Variants in PDE4D observed in about 807,000 individuals in gnomAD.
The protein encoded by PDE4D is phosphodiesterase 4D.
A neutral mutation model predicts 87.4 loss-of-function variants in PDE4D; 24 were observed. That is an observed-to-expected ratio of 0.27 (90% CI 0.20 to 0.39). PDE4D has a LOEUF of 0.39. Among genes scored for constraint, PDE4D ranks in the 10% least tolerant of loss-of-function variants. PDE4D has a pLI of 1.00. For missense variants in PDE4D, 714 were observed against 1,041.0 expected, an observed-to-expected ratio of 0.69 and a Z score of 4.32; for synonymous variants, 384 against 383.2, an observed-to-expected ratio of 1.00 and a Z score of -0.02.
intron 1 of PDE4D, among the ~76,000 whole-genome samples, chr5:59,239,240 G>A (rs1757139481): frequency 6.6e-6 from 1 of 152,198 alleles, no homozygotes; most frequent in Non-Finnish European, 1.5e-5. Context: ...CAGGTAGAAA[G>A]TGTGTTCTTC....
At chr5:60,090,451 T>C (rs1446345780) in intron 2 of PDE4D, among the ~76,000 whole-genome samples, 1 of 150,578 alleles carries the variant, frequency 6.6e-6, no homozygotes, top group Non-Finnish European at 1.5e-5. Flanking sequence ...CAATAGATGC[T>C]GAAAAAGCAT....
intron 2 of PDE4D, among the ~76,000 whole-genome samples, chr5:59,208,629 T>G (rs1431158808): frequency 2.6e-5 from 4 of 152,350 alleles, no homozygotes; most frequent in Middle Eastern, 3.4e-3. Context: ...TTTATGATTT[T>G]TTTGAAAGTA....
At chr5:59,685,580 A>G (rs1749720188) in intron 1 of PDE4D, among the ~76,000 whole-genome samples, 1 of 152,210 alleles carries the variant, frequency 6.6e-6, no homozygotes, top group African/African-American at 2.4e-5. Context: ...TTTACTTCAG[A>G]GAGGATTTTG....
chr5:60,243,777 A>C (rs1583192166), intron 1 of PDE4D, among the ~76,000 whole-genome samples: 1 of 152,016 alleles, frequency 6.6e-6, no homozygotes, highest in East Asian at 1.9e-4. Flanking sequence ...AAAATCCTCA[A>C]AAACCTATGT....
At chr5:60,399,964 T>C (rs1424991034) in intron 1 of PDE4D, among the ~76,000 whole-genome samples, 1 of 152,250 alleles carries the variant, frequency 6.6e-6, no homozygotes, top group Non-Finnish European at 1.5e-5. Context: ...CTCAAGTGGA[T>C]ATATGATATA....
chr5:59,183,888 C>T (rs1742283935), intron 4 of PDE4D, among the ~76,000 whole-genome samples: 1 of 152,182 alleles, frequency 6.6e-6, no homozygotes, highest in African/African-American at 2.4e-5. Context: ...CGACTACATT[C>T]CTACTCACTG....
chr5:60,015,670 A>G (rs544811815), intron 2 of PDE4D, among the ~76,000 whole-genome samples: 1 of 152,290 alleles, frequency 6.6e-6, no homozygotes, highest in East Asian at 1.9e-4. Context: ...AATGAGTAAA[A>G]TAGAGTACCC....
intron 1 of PDE4D, among the ~76,000 whole-genome samples, chr5:60,416,606 CATCCGAACAT>C (rs1742598345): frequency 6.6e-6 from 1 of 152,200 alleles, no homozygotes; most frequent in African/African-American, 2.4e-5. Context: ...ACTCCGAACA[CATCCGAACAT>C]CAGAAGGAAC....
chr5:59,381,496 G>T (rs1785852325), intron 1 of PDE4D, among the ~76,000 whole-genome samples: 2 of 127,696 alleles, frequency 1.6e-5, no homozygotes, highest in South Asian at 5.8e-4. Flanking sequence ...ATCTTTTTTT[G>T]AATAAAGTAA....
chr5:59,234,720 T>C (rs983518519), intron 1 of PDE4D, among the ~76,000 whole-genome samples: 2 of 152,194 alleles, frequency 1.3e-5, no homozygotes, highest in African/African-American at 2.4e-5. Flanking sequence ...TCTTTTTTCA[T>C]ACATTCAGAT....
chr5:59,329,070 G>A (rs549879950), intron 1 of PDE4D, among the ~76,000 whole-genome samples: 6 of 152,184 alleles, frequency 3.9e-5, no homozygotes, highest in Non-Finnish European at 8.8e-5. Flanking sequence ...CATTTTGGAT[G>A]TTTCGCTAAG....
chr5:59,307,952 G>A (rs908195214), intron 1 of PDE4D, among the ~76,000 whole-genome samples: 1 of 152,082 alleles, frequency 6.6e-6, no homozygotes, highest in Non-Finnish European at 1.5e-5. Flanking sequence ...CAAAGACTTG[G>A]AACCAATCCA....
intron 1 of PDE4D, among the ~76,000 whole-genome samples, chr5:59,610,432 C>T (rs1214973164): frequency 6.6e-6 from 1 of 152,178 alleles, no homozygotes; most frequent in Non-Finnish European, 1.5e-5. Context: ...TATCATGTGG[C>T]ATTATATGGT....
intron 3 of PDE4D, among the ~76,000 whole-genome samples, chr5:59,929,181 T>C (rs554030879): frequency 1.3e-5 from 2 of 152,260 alleles, no homozygotes; most frequent in African/African-American, 4.8e-5. Flanking sequence ...TTTCCTTTTA[T>C]AACTTTTACT....
At chr5:59,963,078 C>T (rs1054252613) in intron 3 of PDE4D, among the ~76,000 whole-genome samples, 27 of 152,116 alleles carry the variant, frequency 1.8e-4, no homozygotes, top group African/African-American at 6.5e-4. Context: ...GACACAATCC[C>T]AATGACAGAG....
At chr5:60,168,161 A>G (rs911307109) in intron 2 of PDE4D, among the ~76,000 whole-genome samples, 2 of 152,226 alleles carry the variant, frequency 1.3e-5, no homozygotes, top group African/African-American at 4.8e-5. Flanking sequence ...TGGCTATAAC[A>G]AGATTTATTA....
At chr5:59,496,172 C>T (rs1807152487) in intron 1 of PDE4D, among the ~76,000 whole-genome samples, 1 of 152,098 alleles carries the variant, frequency 6.6e-6, no homozygotes, top group African/African-American at 2.4e-5. Context: ...CTATGACTGC[C>T]ACGACCAAAC....
At position 59,825,459 on chromosome 5, in the gene PDE4D, C is replaced by A. The variant is rs564253370; in HGVS notation, c.455+67709G>T. On this transcript the variant is annotated intron_variant, in intron 1 of 14. Transcript: ENST00000340635. Reference sequence around the variant, plus strand: ...CTGCAGGGTAGCATAGAGACCTGGGCATCTAAACCAGAACAGTTTTGAAAG... The same window carrying A: ...CTGCAGGGTAGCATAGAGACCTGGGAATCTAAACCAGAACAGTTTTGAAAG... Among the ~76,000 whole-genome samples the A allele has an allele frequency of 3.3e-5, 5 of 152,156 alleles. No individual in the cohort carries two copies. The South Asian group carries it at 6.2e-4, about 19-fold the overall frequency.
chr5:60,288,894 T>A (rs1194707910), intron 1 of PDE4D, among the ~76,000 whole-genome samples: 1 of 152,220 alleles, frequency 6.6e-6, no homozygotes, highest in South Asian at 2.1e-4. Flanking sequence ...AATCATGCCA[T>A]GTGTGTACCT....
Sources: allele counts gnomAD v4.1 joint callset (sites outside exome capture counted in the v4.1 genomes callset), GRCh38; gene constraint gnomAD v4.1.1; transcripts MANE v1.5; gene names NCBI Gene and HGNC (gene_info 2026-07-23, HGNC 2026-07-21).